The following DHRSX variants were observed in gnomAD, a reference collection of about 807,000 sequenced individuals.
DHRSX encodes polyprenol dehydrogenase.
In DHRSX, 31 loss-of-function variants were observed where a neutral mutation model predicts 34.0. That is an observed-to-expected ratio of 0.91 (90% CI 0.69 to 1.23). The LOEUF (loss-of-function observed/expected upper bound fraction) is 1.23. Among genes scored for constraint, DHRSX ranks in the 50% most tolerant of loss-of-function variants. The pLI, the probability that DHRSX is intolerant of heterozygous loss-of-function variation, is 0.00. For synonymous variants in DHRSX, 201 were observed against 183.8 expected (o/e 1.09, Z -0.76); for missense variants, 414 against 428.1 (o/e 0.97, Z 0.29).
chrX:2,266,856 G>C lies in DHRSX; in HGVS notation c.480C>G (p.Asn160Lys). 6.2e-7 allele frequency: 1 copy of C among 1,613,838 alleles called. No homozygotes were observed. The highest frequency in any genetic ancestry group is 2.2e-5 in the East Asian group (1 of 44,896). ...LNYLGHFLLT[N>K]LLLDTLKESG... ...ACTCTTTCAGCGTATCCAAGAGAAGGTTGGTCAGCAGGAAGTGCCCTAGGT... is the reference window on the plus strand; with the variant it reads ...ACTCTTTCAGCGTATCCAAGAGAAGCTTGGTCAGCAGGAAGTGCCCTAGGT... Residue 160 changes from asparagine (N) to lysine (K), a missense_variant, in exon 5 of 7, where the codon AAC becomes AAG. Physicochemically the swap from Asn to Lys is moderately conservative, Grantham distance 94. Coordinates refer to ENST00000334651, the MANE Select transcript of DHRSX (RefSeq NM_145177.3).
intron 1 of DHRSX, among the ~76,000 whole-genome samples, chrX:2,497,528 T>G (rs2045314253): frequency 6.6e-6 from 1 of 152,188 alleles, no homozygotes; most frequent in Non-Finnish European, 1.5e-5. Context: ...GTTTGAAAAG[T>G]AGGACTTCTA....
intron 1 of DHRSX, among the ~76,000 whole-genome samples, chrX:2,460,155 A>G (rs1307940937): frequency 6.6e-6 from 1 of 152,172 alleles, no homozygotes; most frequent in Non-Finnish European, 1.5e-5. Flanking sequence ...AGCGTGGACC[A>G]GAAGAGATGA....
intron 6 of DHRSX, among the ~76,000 whole-genome samples, chrX:2,235,221 G>T (rs1428749350): frequency 6.6e-6 from 1 of 152,148 alleles, no homozygotes; most frequent in Non-Finnish European, 1.5e-5. Context: ...TTGCAAGTGG[G>T]AGTTCACCAG....
At chrX:2,341,350 C>G (rs767363149) in intron 3 of DHRSX, among the ~76,000 whole-genome samples, 1 of 152,214 alleles carries the variant, frequency 6.6e-6, no homozygotes, top group South Asian at 2.1e-4. Flanking sequence ...TCTGTGAAAT[C>G]GAGGTGCCTA....
chrX:2,457,865 C>T (rs1235932205), intron 1 of DHRSX, among the ~76,000 whole-genome samples: 24 of 151,582 alleles, frequency 1.6e-4, no homozygotes, highest in African/African-American at 5.8e-4. Context: ...ACACTGAAGA[C>T]GTTCCCTAAG....
chrX:2,266,326 G>A (rs1204772516), intron 5 of DHRSX, among the ~76,000 whole-genome samples: 1 of 141,588 alleles, frequency 7.1e-6, no homozygotes, highest in Non-Finnish European at 1.5e-5. Context: ...ATGCTCGGCA[G>A]ACACAGGGAG....
chrX:2,383,348 G>T (rs1286742806), intron 3 of DHRSX, among the ~76,000 whole-genome samples: 3 of 150,276 alleles, frequency 2.0e-5, no homozygotes, highest in African/African-American at 4.9e-5. Context: ...TATCACATCA[G>T]CAGCAGCAGC....
rs1224093332 is a variant in DHRSX at position 2,270,080 on chromosome X, T to C, written c.389-3133A>G. Among the ~76,000 whole-genome samples the C allele has an allele frequency of 2.6e-5, 4 of 152,152 alleles. No individual in the cohort carries two copies. In the East Asian group the frequency reaches 7.7e-4, roughly 29 times the overall value. On this transcript the variant is annotated intron_variant, in intron 4 of 6. Transcript: ENST00000334651. ...CCGTAGGTGTATACATTTTTTGAGGTACATGCATTTGTATATGTGCTTGCT... is the reference window on the plus strand; with the variant it reads ...CCGTAGGTGTATACATTTTTTGAGGCACATGCATTTGTATATGTGCTTGCT...
intron 3 of DHRSX, among the ~76,000 whole-genome samples, chrX:2,388,446 C>T (rs1173349260): frequency 6.6e-6 from 1 of 152,076 alleles, no homozygotes; most frequent in East Asian, 1.9e-4. Flanking sequence ...AGGACACAGA[C>T]ACACACAGAG....
chrX:2,483,187 G>A, intron 1 of DHRSX, among the ~76,000 whole-genome samples: 1 of 152,134 alleles, frequency 6.6e-6, no homozygotes, highest in Middle Eastern at 3.2e-3. Flanking sequence ...CCGGGCTCCA[G>A]CGATCCTCCC....
At chrX:2,238,145 G>A (rs2016058753) in intron 6 of DHRSX, among the ~76,000 whole-genome samples, 1 of 152,124 alleles carries the variant, frequency 6.6e-6, no homozygotes, top group Non-Finnish European at 1.5e-5. Context: ...CTTGGGGCTA[G>A]GAACTGGAGA....
chrX:2,295,724 C>G (rs942096294), intron 3 of DHRSX, among the ~76,000 whole-genome samples: 1 of 152,104 alleles, frequency 6.6e-6, no homozygotes, highest in Non-Finnish European at 1.5e-5. Flanking sequence ...GCATGTGTAA[C>G]TAATACACAA....
Position 2,431,394 on chromosome X carries a change from T to A in DHRSX, c.110-6090A>T, listed in dbSNP as rs145634378. Among the ~76,000 whole-genome samples, 387 of 151,786 alleles carry A rather than the reference T, an allele frequency of 2.5e-3. 2 individuals carry two copies. Among genetic ancestry groups the A allele is most frequent in the African/African-American group, 8.6e-3 (356 of 41,396 alleles). On this transcript the variant is annotated intron_variant, in intron 1 of 6. Coordinates refer to ENST00000334651, the MANE Select transcript of DHRSX (RefSeq NM_145177.3). ...AATCCGGAGTTGACAGACACCTAAGTTTGATTCCATGTCTTTGCTTTTATG... is the reference window on the plus strand; with the variant it reads ...AATCCGGAGTTGACAGACACCTAAGATTGATTCCATGTCTTTGCTTTTATG...
Position 2,221,229 on chromosome X carries a change from T to A in DHRSX, c.805A>T (p.Thr269Ser). ...GAAGTCCACGCTCCTTCATCGGGGG[T>A]CTGGTGGAAGAAGAAAAGAAGGCTA... ...KKLLGWLLFK[T>S]PDEGAWTSIY... Residue 269 changes from threonine to serine, a missense_variant and splice_region_variant, in exon 7 of 7, where the codon ACC becomes TCC. Coordinates refer to ENST00000334651, the MANE Select transcript of DHRSX (RefSeq NM_145177.3). 9 of 1,611,626 alleles carry A rather than the reference T, an allele frequency of 5.6e-6. No individual in the cohort carries two copies. The highest frequency in any genetic ancestry group is 7.6e-6 in the Non-Finnish European group (9 of 1,178,862).
At chrX:2,265,648 C>T (rs1362601110) in intron 5 of DHRSX, among the ~76,000 whole-genome samples, 11 of 127,188 alleles carry the variant, frequency 8.6e-5, no homozygotes, top group East Asian at 2.5e-4. Context: ...GTACAGCAGA[C>T]GCAGGGAGCA....
intron 1 of DHRSX, among the ~76,000 whole-genome samples, chrX:2,478,195 C>A (rs6641587): frequency 6.6e-6 from 1 of 151,852 alleles, no homozygotes; most frequent in African/African-American, 2.4e-5. Flanking sequence ...ATGCGGTCAG[C>A]ACGGTGGCTG....
intron 3 of DHRSX, among the ~76,000 whole-genome samples, chrX:2,397,473 T>C (rs1404565614): frequency 6.6e-6 from 1 of 151,960 alleles, no homozygotes; most frequent in Non-Finnish European, 1.5e-5. Context: ...GGAAAGAAAC[T>C]GTGAATAGTT....
intron 3 of DHRSX, among the ~76,000 whole-genome samples, chrX:2,312,027 C>T (rs115619140): frequency 0.014 from 2,060 of 152,232 alleles, 45 homozygotes; most frequent in African/African-American, 0.041. Context: ...AATCCAACGG[C>T]ATCAAAATCC....
chrX:2,433,666 G>A (rs2043956253), intron 1 of DHRSX, among the ~76,000 whole-genome samples: 1 of 152,098 alleles, frequency 6.6e-6, no homozygotes, highest in African/African-American at 2.4e-5. Flanking sequence ...TTGGTTTTCT[G>A]TTCCTGCGTT....
Sources: allele counts gnomAD v4.1 joint callset (sites outside exome capture counted in the v4.1 genomes callset), GRCh38; gene constraint gnomAD v4.1.1; transcripts MANE v1.5; gene names NCBI Gene and HGNC (gene_info 2026-07-23, HGNC 2026-07-21).